PDLIM5: variants seen among roughly 807,000 people sequenced by gnomAD.
PDLIM5 encodes PDZ and LIM domain protein 5.
PDLIM5 carries 34 observed loss-of-function variants against 64.2 expected under a neutral mutation model. The observed-to-expected ratio is 0.53, with a 90% confidence interval of 0.40 to 0.71. The LOEUF is 0.71. PDLIM5 is among the 30% of genes least tolerant of loss of function. The probability of loss-of-function intolerance (pLI) is 0.00; values close to 1 mark genes in which losing one functional copy is unlikely to be tolerated. For missense variants in PDLIM5, 683 were observed against 733.6 expected (o/e 0.93, Z 0.80); for synonymous variants, 253 against 269.1 (o/e 0.94, Z 0.59).
intron 2 of PDLIM5, among the ~76,000 whole-genome samples, chr4:94,511,131 A>G (rs1051386108): frequency 6.6e-6 from 1 of 152,178 alleles, no homozygotes; most frequent in Non-Finnish European, 1.5e-5. Context: ...AAGTCACAAC[A>G]TTTGTTAGTG....
In PDLIM5 at chr4:94,452,008, CG is replaced by C. The variant is rs1184646904; in HGVS notation, c.-43+15del. The C allele has an allele frequency of 6.6e-6, 1 of 152,164 alleles. No homozygotes were observed. The highest frequency in any genetic ancestry group is 2.4e-5 in the African/African-American group (1 of 41,398). The allele number at this position is 152,164 out of a possible 1,614,324, so 9.4% of individuals were successfully genotyped here. On this transcript the variant is annotated intron_variant, in intron 1 of 12. Transcript: ENST00000317968. ...CGCCGGACCCGAGGTGAGTGGCGGCCGGCCGGCGATGCGCCTCTCGGATCTC... is the reference window on the plus strand; with the variant it reads ...CGCCGGACCCGAGGTGAGTGGCGGCCGCCGGCGATGCGCCTCTCGGATCTC...
chr4:94,454,211 G>A (rs1723118107), intron 1 of PDLIM5, among the ~76,000 whole-genome samples: 1 of 150,624 alleles, frequency 6.6e-6, no homozygotes, highest in African/African-American at 2.4e-5. Context: ...TATCTGTTAT[G>A]TTTTTAATAT....
chr4:94,524,547 C>CTT (rs199637892), intron 3 of PDLIM5, among the ~76,000 whole-genome samples: 18 of 145,202 alleles, frequency 1.2e-4, no homozygotes, highest in Non-Finnish European at 2.0e-4. Flanking sequence ...GTCCTTTTCT[C>CTT]TTTTTTTTTT....
In PDLIM5 at chr4:94,488,497, T is replaced by TC. The variant is rs545003166; in HGVS notation, c.96+33114dup. ...CATGATATTCTTAAAATAACTTGCT[T>TC]CTACTTTGAATAGATTAAAAACAAT... On this transcript the variant is annotated intron_variant, in intron 2 of 12. Coordinates refer to ENST00000317968, the MANE Select transcript of PDLIM5 (RefSeq NM_006457.5). Among the ~76,000 whole-genome samples the TC allele has an allele frequency of 7.4e-4, 112 of 152,336 alleles. 1 individual carries two copies. The highest frequency in any genetic ancestry group is 2.6e-3 in the African/African-American group (109 of 41,584).
chr4:94,456,143 G>A, intron 2 of PDLIM5: 1 of 525,372 alleles, frequency 1.9e-6, no homozygotes. Flanking sequence ...GTTTGTTTTT[G>A]CATATTCAAA....
chr4:94,608,932 CTT>C (rs1293208963), intron 7 of PDLIM5, among the ~76,000 whole-genome samples: 1 of 152,108 alleles, frequency 6.6e-6, no homozygotes, highest in Non-Finnish European at 1.5e-5. Context: ...GTTGTTAAAA[CTT>C]AGCCATACAG....
chr4:94,665,327 C>G lies in PDLIM5; in HGVS notation c.*1260C>G. Reference sequence around the variant, plus strand: ...TGAAACCCTGTCTCTACTAAAAATACAAAAATGAGCTGGGCATGGTGGGGC... The same window carrying G: ...TGAAACCCTGTCTCTACTAAAAATAGAAAAATGAGCTGGGCATGGTGGGGC... On this transcript the variant is annotated 3_prime_UTR_variant, in exon 13 of 13. Transcript: ENST00000317968. 2 of 241,438 alleles carry G rather than the reference C, an allele frequency of 8.3e-6. No individual in the cohort carries two copies. The highest frequency in any genetic ancestry group is 1.3e-5 in the Non-Finnish European group (2 of 149,592). 15.0% of individuals were successfully genotyped at this position (241,438 alleles called of 1,614,324 possible). A position where few individuals can be genotyped will look rare whatever the true frequency, so the allele number is the denominator to read the frequency against.
chr4:94,476,846 T>C (rs772046534), intron 2 of PDLIM5, among the ~76,000 whole-genome samples: 16 of 152,186 alleles, frequency 1.1e-4, no homozygotes, highest in African/African-American at 1.7e-4. Context: ...AAACTCAAGG[T>C]CTCAGTTTTC....
At chr4:94,624,115 G>T (rs2110413569) in intron 8 of PDLIM5, among the ~76,000 whole-genome samples, 1 of 151,648 alleles carries the variant, frequency 6.6e-6, no homozygotes, top group South Asian at 2.1e-4. Flanking sequence ...TTTGAGACCA[G>T]CCTGGGCAAC....
At chr4:94,538,616 A>G (rs1368600496) in intron 3 of PDLIM5, among the ~76,000 whole-genome samples, 1 of 152,192 alleles carries the variant, frequency 6.6e-6, no homozygotes, top group Non-Finnish European at 1.5e-5. Flanking sequence ...ATCTGTCAGT[A>G]TCTTATGCTG....
intron 3 of PDLIM5, among the ~76,000 whole-genome samples, chr4:94,555,465 A>T (rs1733208389): frequency 6.6e-6 from 1 of 152,222 alleles, no homozygotes; most frequent in Non-Finnish European, 1.5e-5. Context: ...CTTATTCTGC[A>T]ATGTATGTAA....
At chr4:94,567,995 G>A (rs762199999) in intron 3 of PDLIM5, among the ~76,000 whole-genome samples, 5 of 152,058 alleles carry the variant, frequency 3.3e-5, no homozygotes, top group Non-Finnish European at 7.3e-5. Flanking sequence ...AACCACAGAA[G>A]GAATAATACG....
chr4:94,637,148 CTT>C (rs986079771), intron 8 of PDLIM5, among the ~76,000 whole-genome samples: 1 of 152,194 alleles, frequency 6.6e-6, no homozygotes, highest in African/African-American at 2.4e-5. Context: ...AAGTTCAAGA[CTT>C]TTACTTGCTA....
intron 9 of PDLIM5, among the ~76,000 whole-genome samples, chr4:94,643,595 A>G (rs763041513): frequency 3.3e-5 from 5 of 152,168 alleles, no homozygotes; most frequent in Admixed American, 3.3e-4. Flanking sequence ...ATTTATGTTT[A>G]GCTTGACCTC....
chr4:94,491,900 T>C (rs932115820), intron 2 of PDLIM5, among the ~76,000 whole-genome samples: 3 of 152,030 alleles, frequency 2.0e-5, no homozygotes, highest in Non-Finnish European at 2.9e-5. Flanking sequence ...CTTTTTTTTG[T>C]GGTGAAACAT....
At chr4:94,551,308 GT>G (rs899426824) in intron 3 of PDLIM5, among the ~76,000 whole-genome samples, 2 of 152,020 alleles carry the variant, frequency 1.3e-5, no homozygotes, top group Non-Finnish European at 2.9e-5. Context: ...AAAGGCTAAG[GT>G]TAGAAAAATT....
rs757839503 is a variant in PDLIM5, at chr4:94,455,793, T to C, written c.96+409T>C. On this transcript the variant is annotated intron_variant, in intron 2 of 12. Transcript: ENST00000317968. ...AACTGTTGATCAAAATTGAATAAAA[T>C]GATTGTTTCGGAATTATTTCCTCAG... 11 of 1,517,468 alleles carry C rather than the reference T, an allele frequency of 7.2e-6. No homozygotes were observed. In the South Asian group the frequency reaches 1.3e-4, roughly 18 times the overall value. The allele number at this position is 1,517,468 out of a possible 1,614,324, so 94.0% of individuals were successfully genotyped here. A position where few individuals can be genotyped will look rare whatever the true frequency, so the allele number is the denominator to read the frequency against.
At chr4:94,612,530 G>A (rs903077560) in intron 7 of PDLIM5, among the ~76,000 whole-genome samples, 5 of 152,274 alleles carry the variant, frequency 3.3e-5, no homozygotes. Context: ...CTCCAGAAAA[G>A]TGCCTGCGTG....
intron 2 of PDLIM5, among the ~76,000 whole-genome samples, chr4:94,474,599 C>G (rs1191125155): frequency 4.6e-5 from 7 of 152,128 alleles, no homozygotes; most frequent in Non-Finnish European, 8.8e-5. Context: ...AAGTGGTAGC[C>G]ACAGACCAAT....
Sources: gnomAD v4.1 joint callset for allele counts (sites outside exome capture counted in the v4.1 genomes callset) on GRCh38, gnomAD v4.1.1 for gene constraint, MANE v1.5 for transcripts, NCBI Gene and HGNC (gene_info 2026-07-23, HGNC 2026-07-21) for gene names.